Variants in NOL4 observed in about 807,000 individuals in gnomAD.
NOL4 encodes nucleolar protein 4, also known as cancer/testis antigen 125.
In NOL4, 17 loss-of-function variants were observed where a neutral mutation model predicts 75.9. The ratio of observed to expected loss-of-function variants is 0.22; its 90% CI spans 0.15 to 0.34. The LOEUF (loss-of-function observed/expected upper bound fraction) is 0.34, where lower values mean the gene tolerates loss of function less well. NOL4 is among the 10% of genes least tolerant of loss of function. NOL4 has a pLI of 1.00. For missense variants in NOL4, 614 were observed against 793.5 expected, an observed-to-expected ratio of 0.77 and a Z score of 2.72; for synonymous variants, 292 against 289.9, an observed-to-expected ratio of 1.01 and a Z score of -0.07.
chr18:34,159,313 G>A (rs1568404882), intron 1 of NOL4, among the ~76,000 whole-genome samples: 1 of 152,142 alleles, frequency 6.6e-6, no homozygotes, highest in Admixed American at 6.5e-5. Flanking sequence ...GGCAACGGCC[G>A]GAGGAGGAAG....
intron 9 of NOL4, among the ~76,000 whole-genome samples, chr18:33,921,661 C>G (rs1416371106): frequency 1.3e-5 from 2 of 152,098 alleles, no homozygotes; most frequent in African/African-American, 4.8e-5. Context: ...AGGATCCTCC[C>G]CTAGAGGTTT....
intron 9 of NOL4, among the ~76,000 whole-genome samples, chr18:33,930,960 T>A (rs531308132): frequency 6.6e-6 from 1 of 152,280 alleles, no homozygotes; most frequent in Admixed American, 6.5e-5. Flanking sequence ...AATTGCCTTA[T>A]CCTTGCTAAT....
rs549807392 is a variant in NOL4, at chr18:33,976,203, T to C, written c.1057-17785A>G. On this transcript the variant is annotated intron_variant, in intron 6 of 10. Transcript: ENST00000261592. ...AAAATGGGTTTAGAACAACTGATCC[T>C]TGTGACCGTCTCACAGCACACAAGC... Among the ~76,000 whole-genome samples the C allele has an allele frequency of 1.1e-3, 163 of 152,260 alleles. 2 individuals are homozygous for C. Among genetic ancestry groups the C allele is most frequent in the Non-Finnish European group, 5.6e-4 (38 of 68,016 alleles).
intron 5 of NOL4, chr18:34,023,782 G>A (rs1600288348): frequency 4.2e-6 from 1 of 237,352 alleles, no homozygotes; most frequent in East Asian, 8.1e-5. Context: ...TAGTGTTGGA[G>A]AATTATTGTG....
intron 5 of NOL4, among the ~76,000 whole-genome samples, chr18:34,049,074 GCA>G (rs1163959249): frequency 0.11 from 7,052 of 64,388 alleles, 230 homozygotes; most frequent in African/African-American, 0.16. Flanking sequence ...ACAGGCGCGC[GCA>G]CACACACACA....
intron 2 of NOL4, among the ~76,000 whole-genome samples, chr18:34,108,413 T>TA (rs71159854): frequency 2.9e-4 from 44 of 149,820 alleles, no homozygotes; most frequent in Middle Eastern, 3.5e-3. Flanking sequence ...TAAATGAATT[T>TA]AAAAAAAAAA....
chr18:34,048,297 T>G (rs1449698812), intron 5 of NOL4: 1 of 339,128 alleles, frequency 2.9e-6, no homozygotes, highest in Non-Finnish European at 4.2e-6. Context: ...TGGTCAGACC[T>G]TTAAATAACA....
chr18:34,042,344 G>C (rs1437377003), intron 5 of NOL4, among the ~76,000 whole-genome samples: 1 of 151,888 alleles, frequency 6.6e-6, no homozygotes, highest in Non-Finnish European at 1.5e-5. Context: ...TGCAAGTAAA[G>C]AATAAAACTG....
intron 6 of NOL4, among the ~76,000 whole-genome samples, chr18:33,999,173 T>C (rs1356071593): frequency 1.3e-5 from 2 of 150,346 alleles, no homozygotes; most frequent in East Asian, 4.0e-4. Context: ...GACAGTCTGC[T>C]CCATTGCCCA....
At chr18:34,106,596 G>T (rs1242955360) in intron 2 of NOL4, among the ~76,000 whole-genome samples, 1 of 151,814 alleles carries the variant, frequency 6.6e-6, no homozygotes, top group Non-Finnish European at 1.5e-5. Flanking sequence ...CAGTTATTGT[G>T]TGAGGAAAAT....
intron 1 of NOL4, among the ~76,000 whole-genome samples, chr18:34,192,606 G>A (rs2146413526): frequency 6.6e-6 from 1 of 152,264 alleles, no homozygotes; most frequent in South Asian, 2.1e-4. Flanking sequence ...AACTCATAAT[G>A]GAGAAAGGAC....
In NOL4 at chr18:34,074,334, T is replaced by C. The variant is rs936490957; in HGVS notation, c.772+19131A>G. Among the ~76,000 whole-genome samples, 38 of 151,626 alleles carry C rather than the reference T, an allele frequency of 2.5e-4. 1 individual carries two copies. The highest frequency in any genetic ancestry group is 1.5e-5 in the Non-Finnish European group (1 of 67,746). On this transcript the variant is annotated intron_variant, in intron 5 of 10. Transcript: ENST00000261592. ...TAGAATTTTTGAAAAATACAAAAAG[T>C]CTAAAGAAAAGAAAAATCATATTTA...
At chr18:34,139,997 G>A (rs563984019) in intron 1 of NOL4, among the ~76,000 whole-genome samples, 8 of 152,328 alleles carry the variant, frequency 5.3e-5, no homozygotes, top group Admixed American at 6.5e-5. Flanking sequence ...TTTTAAGTGA[G>A]TTTCTTAATC....
intron 1 of NOL4, among the ~76,000 whole-genome samples, chr18:34,219,969 GA>G (rs1296847730): frequency 6.6e-6 from 1 of 152,176 alleles, no homozygotes; most frequent in African/African-American, 2.4e-5. Flanking sequence ...ACATGACCAG[GA>G]CAAATATTAA....
At position 34,185,093 on chromosome 18, in the gene NOL4, C is replaced by CAGTACT. The variant is rs1471209031; in HGVS notation, c.264+37891_264+37896dup. Among the ~76,000 whole-genome samples the CAGTACT allele has an allele frequency of 8.5e-5, 13 of 152,214 alleles. No homozygotes were observed. In the East Asian group the frequency reaches 9.7e-4, roughly 11 times the overall value. On this transcript the variant is annotated intron_variant, in intron 1 of 10. Coordinates refer to ENST00000261592, the MANE Select transcript of NOL4 (RefSeq NM_003787.5). ...CCTCCTGTCTCATGGTTCCATTTAT[C>CAGTACT]AGTACTCTTTTCAGCTTCACTTGCC...
chr18:33,895,763 T>C (rs1414681535), intron 9 of NOL4, among the ~76,000 whole-genome samples: 1 of 152,166 alleles, frequency 6.6e-6, no homozygotes, highest in Non-Finnish European at 1.5e-5. Context: ...GAATGGCCTC[T>C]GTTACCACTT....
At chr18:33,899,617 C>T (rs930280114) in intron 9 of NOL4, among the ~76,000 whole-genome samples, 1 of 152,154 alleles carries the variant, frequency 6.6e-6, no homozygotes, top group African/African-American at 2.4e-5. Flanking sequence ...TCTATGCATA[C>T]TGCTGAAACA....
intron 6 of NOL4, among the ~76,000 whole-genome samples, chr18:33,963,598 C>T (rs2070331393): frequency 6.6e-6 from 1 of 152,134 alleles, no homozygotes; most frequent in Non-Finnish European, 1.5e-5. Context: ...TAAAGAACCA[C>T]AATTTAGGCT....
At chr18:34,188,409 T>C (rs1156588614) in intron 1 of NOL4, among the ~76,000 whole-genome samples, 1 of 152,192 alleles carries the variant, frequency 6.6e-6, no homozygotes. Flanking sequence ...CAACATATAG[T>C]GGGGCTATGT....
Sources: allele counts gnomAD v4.1 joint callset (sites outside exome capture counted in the v4.1 genomes callset), GRCh38; gene constraint gnomAD v4.1.1; transcripts MANE v1.5; gene names NCBI Gene and HGNC (gene_info 2026-07-23, HGNC 2026-07-21).